The following SDK1 variants were observed in gnomAD, a reference collection of about 807,000 sequenced individuals.
SDK1 encodes the protein sidekick cell adhesion molecule 1.
A neutral mutation model predicts 245.5 loss-of-function variants in SDK1; 157 were observed. The ratio of observed to expected loss-of-function variants is 0.64; its 90% CI spans 0.56 to 0.73. The LOEUF (loss-of-function observed/expected upper bound fraction) is 0.73, where lower values mean the gene tolerates loss of function less well. SDK1 is among the 30% of genes least tolerant of loss of function. The pLI, the probability that SDK1 is intolerant of heterozygous loss-of-function variation, is 0.00. For synonymous variants in SDK1, 1,647 were observed against 1,278.5 expected, an observed-to-expected ratio of 1.29 and a Z score of -6.15; for missense variants, 3,583 against 3,002.3, an observed-to-expected ratio of 1.19 and a Z score of -4.52.
chr7:4,136,634 T>C (rs1412707095), intron 28 of SDK1, among the ~76,000 whole-genome samples: 1 of 152,196 alleles, frequency 6.6e-6, no homozygotes, highest in Non-Finnish European at 1.5e-5. Flanking sequence ...AGTACAGACG[T>C]CCCTCCCTCA....
intron 1 of SDK1, among the ~76,000 whole-genome samples, chr7:3,583,164 C>CAG (rs1435187691): frequency 6.6e-6 from 1 of 152,214 alleles, no homozygotes; most frequent in East Asian, 1.9e-4. Flanking sequence ...GTAGGCCATG[C>CAG]AGCAGCTCGA....
intron 2 of SDK1, among the ~76,000 whole-genome samples, chr7:3,637,347 T>A (rs1483391305): frequency 6.6e-6 from 1 of 152,224 alleles, no homozygotes; most frequent in East Asian, 1.9e-4. Flanking sequence ...TCTGCCTGCC[T>A]CGGCCTCCCA....
At chr7:3,987,869 C>G (rs930011644) in intron 14 of SDK1, among the ~76,000 whole-genome samples, 1 of 152,186 alleles carries the variant, frequency 6.6e-6, no homozygotes, top group African/African-American at 2.4e-5. Context: ...CCCTCCTTCC[C>G]TTCTCTTCCC....
intron 17 of SDK1, among the ~76,000 whole-genome samples, chr7:4,032,496 A>T (rs1583887372): frequency 6.6e-6 from 1 of 152,234 alleles, no homozygotes; most frequent in Admixed American, 6.5e-5. Context: ...CACATTTGCC[A>T]CAGCTGTAGA....
intron 7 of SDK1, among the ~76,000 whole-genome samples, chr7:3,955,458 AC>A (rs1165762659): frequency 3.3e-5 from 5 of 152,154 alleles, no homozygotes; most frequent in African/African-American, 1.2e-4. Flanking sequence ...AAGGTGGGAT[AC>A]CTAATCCCAC....
chr7:3,399,061 TTCTC>T (rs1190327892), intron 1 of SDK1, among the ~76,000 whole-genome samples: 3 of 152,146 alleles, frequency 2.0e-5, no homozygotes, highest in Non-Finnish European at 4.4e-5. Context: ...CAGTTATTCT[TTCTC>T]TCTTCTTTTA....
chr7:4,091,932 T>A (rs897217606), intron 22 of SDK1, among the ~76,000 whole-genome samples: 1 of 152,160 alleles, frequency 6.6e-6, no homozygotes, highest in Non-Finnish European at 1.5e-5. Flanking sequence ...CTTCCTGGCC[T>A]TCATCACATT....
At chr7:3,535,085 C>G (rs956372570) in intron 1 of SDK1, among the ~76,000 whole-genome samples, 3 of 152,038 alleles carry the variant, frequency 2.0e-5, no homozygotes, top group South Asian at 4.1e-4. Context: ...ACCAGCCTGG[C>G]CAACATGGTG....
chr7:4,212,509 G>A (rs1784560802), intron 38 of SDK1, among the ~76,000 whole-genome samples: 1 of 152,200 alleles, frequency 6.6e-6, no homozygotes, highest in Non-Finnish European at 1.5e-5. Context: ...AGCAGAGAGG[G>A]CATGGGAGGG....
rs866204285 is a variant in SDK1 at position 3,680,498 on chromosome 7, G to T, written c.713+38393G>T. ...GGAAAAATGATGAAATCTAAGTGAG[G>T]TCTGGGTGTTGTTCCAATGACTATG... On this transcript the variant is annotated intron_variant, in intron 4 of 44. Coordinates refer to ENST00000404826, the MANE Select transcript of SDK1 (RefSeq NM_152744.4). 5.9e-5 allele frequency among the ~76,000 whole-genome samples: 9 copies of T among 152,172 alleles called. No individual in the cohort carries two copies. The South Asian group carries it at 1.9e-3, about 31-fold the overall frequency.
chr7:3,784,797 T>G (rs769003597), intron 4 of SDK1, among the ~76,000 whole-genome samples: 64 of 152,158 alleles, frequency 4.2e-4, no homozygotes, highest in Non-Finnish European at 4.7e-4. Context: ...TATGTGGAGA[T>G]TCCTCAAAAA....
chr7:3,903,592 A>G (rs983831974), intron 5 of SDK1, among the ~76,000 whole-genome samples: 1 of 152,196 alleles, frequency 6.6e-6, no homozygotes, highest in Non-Finnish European at 1.5e-5. Context: ...ATACAGAGTT[A>G]CTATATGACC....
chr7:3,613,977 G>T (rs147376825), intron 1 of SDK1, among the ~76,000 whole-genome samples: 5 of 152,168 alleles, frequency 3.3e-5, no homozygotes, highest in African/African-American at 1.2e-4. Context: ...CTGTTGGAGC[G>T]TGGAGGATGA....
At chr7:3,330,162 C>A (rs1011311265) in intron 1 of SDK1, among the ~76,000 whole-genome samples, 2 of 152,054 alleles carry the variant, frequency 1.3e-5, no homozygotes, top group Non-Finnish European at 2.9e-5. Flanking sequence ...CTGGCACATA[C>A]TGATTTCATG....
At chr7:3,620,684 C>G (rs1008059258) in intron 2 of SDK1, among the ~76,000 whole-genome samples, 8 of 152,124 alleles carry the variant, frequency 5.3e-5, no homozygotes, top group Non-Finnish European at 8.8e-5. Context: ...GTCAGAAGGC[C>G]TGGCTGCCTG....
intron 4 of SDK1, among the ~76,000 whole-genome samples, chr7:3,731,894 C>T (rs756891462): frequency 7.2e-5 from 11 of 152,070 alleles, no homozygotes; most frequent in Admixed American, 2.0e-4. Flanking sequence ...CAGGTTCAAG[C>T]GATTATCCTG....
intron 23 of SDK1, among the ~76,000 whole-genome samples, chr7:4,113,018 CT>C: frequency 6.6e-6 from 1 of 152,244 alleles, no homozygotes; most frequent in East Asian, 1.9e-4. Context: ...CTGCCTCAGC[CT>C]CCCTAAGTGC....
intron 5 of SDK1, among the ~76,000 whole-genome samples, chr7:3,827,291 T>A (rs1401591285): frequency 1.3e-5 from 2 of 152,184 alleles, no homozygotes; most frequent in African/African-American, 4.8e-5. Context: ...GAACCTATTT[T>A]CAGTCCTTTC....
At chr7:3,542,322 G>C (rs953197845) in intron 1 of SDK1, among the ~76,000 whole-genome samples, 1 of 152,188 alleles carries the variant, frequency 6.6e-6, no homozygotes, top group Non-Finnish European at 1.5e-5. Context: ...CAACAGCAGG[G>C]CTGGAAAGGT....
Sources: allele counts gnomAD v4.1 joint callset (sites outside exome capture counted in the v4.1 genomes callset), GRCh38; gene constraint gnomAD v4.1.1; transcripts MANE v1.5; gene names NCBI Gene and HGNC (gene_info 2026-07-23, HGNC 2026-07-21).